NLGN1: variants seen among roughly 807,000 people sequenced by gnomAD.
NLGN1 encodes neuroligin-1.
Under a neutral mutation model 65.5 loss-of-function variants are expected in NLGN1, and 12 were observed. The observed-to-expected ratio is 0.18, with a 90% CI of 0.12 to 0.30. The LOEUF (loss-of-function observed/expected upper bound fraction) is 0.30, where lower values mean the gene tolerates loss of function less well. NLGN1 is among the 10% of genes least tolerant of loss of function. The pLI, the probability that NLGN1 is intolerant of heterozygous loss-of-function variation, is 1.00. For missense variants in NLGN1, 750 were observed against 1,007.1 expected (o/e 0.74, Z 3.46); for synonymous variants, 350 against 359.5 (o/e 0.97, Z 0.30).
At chr3:174,066,516 GTCTCTC>G (rs373763421) in intron 4 of NLGN1, among the ~76,000 whole-genome samples, 1,526 of 66,996 alleles carry the variant, frequency 0.023, 19 homozygotes, top group East Asian at 0.057. Flanking sequence ...TATGGAACAA[GTCTCTC>G]TCTCTCTCTC....
chr3:173,660,394 A>C (rs900216835), intron 3 of NLGN1, among the ~76,000 whole-genome samples: 8 of 151,748 alleles, frequency 5.3e-5, no homozygotes, highest in Admixed American at 2.0e-4. Context: ...ACATACTTAG[A>C]AGTCAATTCA....
chr3:173,578,603 A>G lies in NLGN1; in HGVS notation c.-320-25676A>G, dbSNP rs368566130. Reference sequence around the variant, plus strand: ...TGGAAACATAGACTCAAATAAACTAATATTTTACAATAAGCATTAATAGAT... The same window carrying G: ...TGGAAACATAGACTCAAATAAACTAGTATTTTACAATAAGCATTAATAGAT... On this transcript the variant is annotated intron_variant, in intron 2 of 6. Coordinates refer to ENST00000457714, the Ensembl canonical transcript of NLGN1. Among the ~76,000 whole-genome samples the G allele has an allele frequency of 4.0e-4, 61 of 152,332 alleles. 1 individual carries two copies. Among genetic ancestry groups the G allele is most frequent in the Middle Eastern group, 3.4e-3 (1 of 294 alleles).
intron 2 of NLGN1, among the ~76,000 whole-genome samples, chr3:173,589,882 T>G (rs75614976): frequency 0.024 from 3,591 of 152,306 alleles, 56 homozygotes; most frequent in Middle Eastern, 0.048. Flanking sequence ...TTGTCATTGC[T>G]TTTTAAAAAA....
intron 5 of NLGN1, among the ~76,000 whole-genome samples, chr3:174,277,355 A>C (rs1486076752): frequency 6.6e-6 from 1 of 151,946 alleles, no homozygotes; most frequent in Non-Finnish European, 1.5e-5. Flanking sequence ...TAATATGATA[A>C]AACAAACATA....
chr3:173,851,477 C>T (rs1045129979), intron 4 of NLGN1, among the ~76,000 whole-genome samples: 1 of 152,062 alleles, frequency 6.6e-6, no homozygotes, highest in African/African-American at 2.4e-5. Flanking sequence ...TTTACAAATG[C>T]TTACTTTTCT....
At chr3:174,057,229 T>C (rs1056749134) in intron 4 of NLGN1, among the ~76,000 whole-genome samples, 65 of 152,142 alleles carry the variant, frequency 4.3e-4, no homozygotes, top group Admixed American at 1.4e-3. Flanking sequence ...CACAACAAAA[T>C]TTAGAGGCAT....
chr3:173,712,801 T>A (rs1769191278), intron 3 of NLGN1, among the ~76,000 whole-genome samples: 1 of 149,662 alleles, frequency 6.7e-6, no homozygotes, highest in African/African-American at 2.4e-5. Context: ...CGTTAAAATT[T>A]GATTTTTTAA....
intron 2 of NLGN1, among the ~76,000 whole-genome samples, chr3:173,455,372 G>A (rs943565161): frequency 2.6e-5 from 4 of 152,172 alleles, no homozygotes; most frequent in South Asian, 2.1e-4. Context: ...ATACATTCAT[G>A]AGGGATCCAC....
intron 4 of NLGN1, among the ~76,000 whole-genome samples, chr3:173,815,095 T>G (rs1718758571): frequency 6.6e-6 from 1 of 151,014 alleles, no homozygotes; most frequent in Non-Finnish European, 1.5e-5. Context: ...TTTCCTTCCT[T>G]CCTTCCTGCC....
chr3:174,114,598 CT>C (rs1715959745), intron 4 of NLGN1, among the ~76,000 whole-genome samples: 1 of 152,176 alleles, frequency 6.6e-6, no homozygotes, highest in South Asian at 2.1e-4. Flanking sequence ...CATCTTTTCT[CT>C]TTTTTCAGTA....
intron 3 of NLGN1, among the ~76,000 whole-genome samples, chr3:173,606,044 A>G (rs1277343322): frequency 1.3e-5 from 2 of 152,050 alleles, no homozygotes; most frequent in Non-Finnish European, 2.9e-5. Flanking sequence ...TGAACACTCT[A>G]TGGACTTTCT....
intron 4 of NLGN1, among the ~76,000 whole-genome samples, chr3:174,212,813 G>C (rs1342128736): frequency 6.6e-6 from 1 of 152,202 alleles, no homozygotes. Flanking sequence ...TCCTGAAGGG[G>C]AATCCATTTC....
intron 4 of NLGN1, among the ~76,000 whole-genome samples, chr3:174,076,880 G>T (rs193286309): frequency 6.6e-6 from 1 of 152,144 alleles, no homozygotes; most frequent in East Asian, 1.9e-4. Flanking sequence ...CTTTTAAAGG[G>T]TTAAAGAGTA....
At chr3:173,936,685 A>T (rs1487804368) in intron 4 of NLGN1, among the ~76,000 whole-genome samples, 1 of 152,074 alleles carries the variant, frequency 6.6e-6, no homozygotes. Context: ...ATCATTTTTT[A>T]GGTCCTCAAG....
At chr3:174,081,931 GAA>G (rs1742323991) in intron 4 of NLGN1, among the ~76,000 whole-genome samples, 1 of 152,094 alleles carries the variant, frequency 6.6e-6, no homozygotes, top group Non-Finnish European at 1.5e-5. Context: ...CATCCACCTT[GAA>G]TTATTTAATC....
At chr3:173,818,996 T>G (rs1413334520) in intron 4 of NLGN1, among the ~76,000 whole-genome samples, 2 of 149,310 alleles carry the variant, frequency 1.3e-5, no homozygotes, top group African/African-American at 4.9e-5. Context: ...TTTACTGATT[T>G]GCCTTTAAAA....
intron 2 of NLGN1, among the ~76,000 whole-genome samples, chr3:173,483,831 TC>T (rs1460675255): frequency 6.6e-6 from 1 of 152,124 alleles, no homozygotes; most frequent in African/African-American, 2.4e-5. Flanking sequence ...CACATGTCAC[TC>T]CTCTACTACT....
intron 2 of NLGN1, among the ~76,000 whole-genome samples, chr3:173,586,923 C>T (rs1005922421): frequency 3.3e-5 from 5 of 152,078 alleles, no homozygotes; most frequent in East Asian, 1.9e-4. Flanking sequence ...AAAGTTTAAA[C>T]GGATTTTAAA....
intron 4 of NLGN1, among the ~76,000 whole-genome samples, chr3:174,090,051 C>G (rs915890059): frequency 6.6e-6 from 1 of 151,922 alleles, no homozygotes; most frequent in Non-Finnish European, 1.5e-5. Flanking sequence ...GAAAAGCAAG[C>G]CTTTATTTAT....
Sources: allele counts gnomAD v4.1 joint callset (sites outside exome capture counted in the v4.1 genomes callset), GRCh38; gene constraint gnomAD v4.1.1; transcripts MANE v1.5; gene names NCBI Gene and HGNC (gene_info 2026-07-23, HGNC 2026-07-21).